The following ZC3H14 variants were observed in gnomAD, a reference collection of about 807,000 sequenced individuals.
ZC3H14 encodes the protein zinc finger CCCH domain-containing protein 14.
ZC3H14 carries 31 observed loss-of-function variants against 92.4 expected under a neutral mutation model. The ratio of observed to expected loss-of-function variants is 0.34; its 90% CI spans 0.25 to 0.45. ZC3H14 has a LOEUF of 0.45. Ranked by LOEUF, ZC3H14 falls within the 20% of genes least tolerant of loss-of-function variation. The pLI is 1.00. For synonymous variants in ZC3H14, 321 were observed against 300.9 expected (o/e 1.07, Z -0.69); for missense variants, 781 against 897.3 (o/e 0.87, Z 1.66).
At chr14:88,566,935 AAAAG>A (rs926712065) in intron 2 of ZC3H14, among the ~76,000 whole-genome samples, 1 of 151,758 alleles carries the variant, frequency 6.6e-6, no homozygotes, top group African/African-American at 2.4e-5. Context: ...AAAAAAAAAA[AAAAG>A]AGAACTGGAA....
chr14:88,607,101 C>A, intron 12 of ZC3H14, 142 bp from the exon 13 acceptor site: 1 of 1,297,524 alleles, frequency 7.7e-7, no homozygotes. Flanking sequence ...AGTGTTAATC[C>A]CATAATTTGA....
chr14:88,611,575 C>CT (rs2086785945), intron 16 of ZC3H14, among the ~76,000 whole-genome samples, 170 bp from the exon 17 acceptor site: 1 of 152,094 alleles, frequency 6.6e-6, no homozygotes, highest in South Asian at 2.1e-4. Flanking sequence ...ATGGTATTAT[C>CT]TTTTATCTAC....
chr14:88,595,038 A>C (rs569087235), intron 9 of ZC3H14: 1 of 1,613,600 alleles, frequency 6.2e-7, no homozygotes, highest in South Asian at 1.1e-5. Context: ...TTGAAGATCA[A>C]GAAGAAGATA....
intron 8 of ZC3H14, among the ~76,000 whole-genome samples, chr14:88,577,415 A>T (rs1424697612): frequency 6.6e-6 from 1 of 152,188 alleles, no homozygotes; most frequent in African/African-American, 2.4e-5. Context: ...GAAAATGAAT[A>T]CATATGTACT....
At position 88,612,699 on chromosome 14, in the gene ZC3H14, CAG is replaced by C. The variant is rs1486897719; in HGVS notation, c.*950_*951del. 2.0e-5 allele frequency: 3 copies of C among 152,542 alleles called. No individual in the cohort carries two copies. Among genetic ancestry groups the C allele is most frequent in the East Asian group, 3.9e-4 (2 of 5,180 alleles). 9.4% of individuals were successfully genotyped at this position (152,542 alleles called of 1,614,324 possible). ...GATTTAAATAGTATATTTTAAATGA[CAG>C]AACTATAATTACAGAGATCAGATCA... is the stretch of plus-strand genomic sequence containing the variant. On this transcript the variant is annotated 3_prime_UTR_variant, in exon 17 of 17. Coordinates refer to ENST00000251038, the MANE Select transcript of ZC3H14 (RefSeq NM_024824.5).
intron 2 of ZC3H14, among the ~76,000 whole-genome samples, chr14:88,567,533 T>TAACA (rs2079861205): frequency 2.6e-5 from 4 of 152,302 alleles, no homozygotes; most frequent in Admixed American, 2.6e-4. Context: ...AATTGATTTT[T>TAACA]TTAAATGATG....
chr14:88,564,748 T>C (rs577353913), intron 2 of ZC3H14, among the ~76,000 whole-genome samples: 3 of 152,196 alleles, frequency 2.0e-5, no homozygotes, highest in Non-Finnish European at 4.4e-5. Flanking sequence ...TTGATGAAGA[T>C]GTGAAGTCCA....
chr14:88,624,913 C>A lies in ZC3H14; in HGVS notation c.*13162C>A. On this transcript the variant is annotated 3_prime_UTR_variant, in exon 17 of 17. Transcript: ENST00000251038. ...TAGAAACAACTAGAATAATTAACTG[C>A]AAACCTCAGGTAGGTCACAAATGCA... 6.3e-7 allele frequency: 1 copy of A among 1,581,948 alleles called. No individual in the cohort carries two copies. Among genetic ancestry groups the A allele is most frequent in the South Asian group, 1.2e-5 (1 of 85,370 alleles).
At chr14:88,607,631 AAGTG>A (rs72418378) in intron 13 of ZC3H14, among the ~76,000 whole-genome samples, 20,631 of 128,576 alleles carry the variant, frequency 0.16, 2,129 homozygotes, top group East Asian at 0.42. Flanking sequence ...CTCACCCTGC[AAGTG>A]AGTACCATCC....
chr14:88,604,437 C>T (rs940541373), intron 12 of ZC3H14, among the ~76,000 whole-genome samples: 1 of 152,160 alleles, frequency 6.6e-6, no homozygotes, highest in African/African-American at 2.4e-5. Flanking sequence ...CTAGTCTCTG[C>T]ACCACTTCCC....
Position 88,618,339 on chromosome 14 carries a change from A to C in ZC3H14, c.*6588A>C. 3 of 1,612,118 alleles carry C rather than the reference A, an allele frequency of 1.9e-6. No individual in the cohort carries two copies. The highest frequency in any genetic ancestry group is 2.5e-6 in the Non-Finnish European group (3 of 1,178,872). On this transcript the variant is annotated 3_prime_UTR_variant, in exon 17 of 17. Coordinates refer to ENST00000251038, the MANE Select transcript of ZC3H14 (RefSeq NM_024824.5). ...ATAGCAGCCACTAGAGACCTTTTTCATCAGATTAAAATGGGACAAGAATTC... is the reference window on the plus strand; with the variant it reads ...ATAGCAGCCACTAGAGACCTTTTTCCTCAGATTAAAATGGGACAAGAATTC...
At chr14:88,598,379 G>A (rs138838360) in intron 10 of ZC3H14, among the ~76,000 whole-genome samples, 1,551 of 152,300 alleles carry the variant, frequency 0.01, 14 homozygotes, top group Non-Finnish European at 0.018. Flanking sequence ...TAGCCTGGTA[G>A]TCAGAGTTCT....
chr14:88,606,747 TAAAAAAAAAAA>T (rs34408574), intron 12 of ZC3H14, among the ~76,000 whole-genome samples: 2 of 95,872 alleles, frequency 2.1e-5, no homozygotes, highest in African/African-American at 8.3e-5. Flanking sequence ...GACCCTGTCG[TAAAAAAAAAAA>T]AAAAAAAAAA....
chr14:88,621,527 T>C lies in ZC3H14; in HGVS notation c.*9776T>C, dbSNP rs897481740. ...ACATATTAGAGTCCATGCTACAGAATAGAACTTTTCTGTGGCAGTACACCT... is the reference window on the plus strand; with the variant it reads ...ACATATTAGAGTCCATGCTACAGAACAGAACTTTTCTGTGGCAGTACACCT... On this transcript the variant is annotated 3_prime_UTR_variant, in exon 17 of 17. Transcript: ENST00000251038. 1.8e-5 allele frequency: 10 copies of C among 562,106 alleles called. No individual in the cohort carries two copies. Among genetic ancestry groups the C allele is most frequent in the East Asian group, 5.9e-5 (2 of 33,850 alleles). 34.8% of individuals were successfully genotyped at this position (562,106 alleles called of 1,614,324 possible).
In ZC3H14 at chr14:88,621,430, C is replaced by A; in HGVS notation, c.*9679C>A. 1.0e-6 allele frequency: 1 copy of A among 1,001,198 alleles called. No homozygotes were observed. Among genetic ancestry groups the A allele is most frequent in the South Asian group, 1.5e-5 (1 of 66,952 alleles). 62.0% of individuals were successfully genotyped at this position (1,001,198 alleles called of 1,614,324 possible). A position where few individuals can be genotyped will look rare whatever the true frequency, so the allele number is the denominator to read the frequency against. On this transcript the variant is annotated 3_prime_UTR_variant, in exon 17 of 17. Transcript: ENST00000251038. Reference sequence around the variant, plus strand: ...GCTTTGAGCTAATCTAGTAGCAAGGCAGTCATTAGCTCATGCAAATTTTTC... The same window carrying A: ...GCTTTGAGCTAATCTAGTAGCAAGGAAGTCATTAGCTCATGCAAATTTTTC...
Position 88,572,089 on chromosome 14 carries a change from A to C in ZC3H14, c.295A>C (p.Lys99Gln). The C allele has an allele frequency of 6.2e-7, 1 of 1,614,168 alleles. No individual in the cohort carries two copies. The highest frequency in any genetic ancestry group is 8.5e-7 in the Non-Finnish European group (1 of 1,180,010). The part of the protein sequence containing the change: ...NIFDSNVPSN[K>Q]SNFSRGDERR... ...CTTTGATAGTAACGTGCCTTCAAAC[A>C]AGAGCAATTTCAGTCGGGGAGATGA... is the stretch of plus-strand genomic sequence containing the variant. The change falls in exon 5 of 17, where the codon AAG (lysine) becomes CAG (glutamine). Residue 99 changes from lysine to glutamine, a missense_variant. Lys to Gln is a moderately conservative substitution (Grantham distance 53). Transcript: ENST00000251038.
At chr14:88,564,663 C>T (rs1294797609) in intron 2 of ZC3H14, among the ~76,000 whole-genome samples, 1 of 152,116 alleles carries the variant, frequency 6.6e-6, no homozygotes. Context: ...ATAGTAACAC[C>T]ATAATGAAAT....
At chr14:88,590,748 C>T (rs754977063) in intron 9 of ZC3H14, 1 of 152,206 alleles carries the variant, frequency 6.6e-6, no homozygotes, top group Non-Finnish European at 1.5e-5. Context: ...TCAACAGAGT[C>T]TGTCCTTTTT....
At chr14:88,582,519 C>T (rs192188846) in intron 9 of ZC3H14, among the ~76,000 whole-genome samples, 3 of 152,242 alleles carry the variant, frequency 2.0e-5, no homozygotes, top group African/African-American at 4.8e-5. Context: ...AACCTCTAGG[C>T]GTTAATATAA....
Sources: gnomAD v4.1 joint callset for allele counts (sites outside exome capture counted in the v4.1 genomes callset) on GRCh38, gnomAD v4.1.1 for gene constraint, MANE v1.5 for transcripts, NCBI Gene and HGNC (gene_info 2026-07-23, HGNC 2026-07-21) for gene names.